GLIS3: variants seen among roughly 807,000 people sequenced by gnomAD.
GLIS3 encodes the protein GLIS family zinc finger 3.
A neutral mutation model predicts 78.6 loss-of-function variants in GLIS3; 53 were observed. The ratio of observed to expected loss-of-function variants is 0.67; its 90% CI spans 0.54 to 0.85. The LOEUF is 0.85. GLIS3 is among the 40% of genes least tolerant of loss of function. GLIS3 has a pLI of 0.00. For synonymous variants in GLIS3, 684 were observed against 509.9 expected (o/e 1.34, Z -4.60); for missense variants, 1,703 against 1,231.1 (o/e 1.38, Z -5.74).
chr9:4,285,286 A>G (rs1299081672), intron 2 of GLIS3, among the ~76,000 whole-genome samples: 1 of 152,176 alleles, frequency 6.6e-6, no homozygotes, highest in Non-Finnish European at 1.5e-5. Context: ...ATTCAACATC[A>G]ATTTCTAATG....
At chr9:4,128,089 A>C (rs553748618) in intron 2 of GLIS3, among the ~76,000 whole-genome samples, 9 of 152,378 alleles carry the variant, frequency 5.9e-5, no homozygotes, top group Non-Finnish European at 1.2e-4. Flanking sequence ...GAGCCAATAC[A>C]AACTAATGTG....
At chr9:3,991,727 G>A (rs1182806366) in intron 4 of GLIS3, among the ~76,000 whole-genome samples, 1 of 97,330 alleles carries the variant, frequency 1.0e-5, no homozygotes, top group Non-Finnish European at 1.8e-5. Flanking sequence ...GTCTCACTCT[G>A]TCGCCCAGGC....
intron 4 of GLIS3, among the ~76,000 whole-genome samples, chr9:4,086,689 G>A (rs896202649): frequency 2.0e-5 from 3 of 152,196 alleles, no homozygotes; most frequent in Admixed American, 2.0e-4. Flanking sequence ...CCATGTAAAT[G>A]TACCACTTGT....
intron 2 of GLIS3, among the ~76,000 whole-genome samples, chr9:4,219,810 G>A (rs56367252): frequency 0.11 from 17,388 of 152,188 alleles, 1,102 homozygotes; most frequent in Middle Eastern, 0.18. Flanking sequence ...AGCAGGGGTG[G>A]AGCCTGTCCA....
intron 2 of GLIS3, among the ~76,000 whole-genome samples, chr9:4,278,291 C>A (rs1827210735): frequency 6.6e-6 from 1 of 152,206 alleles, no homozygotes; most frequent in African/African-American, 2.4e-5. Context: ...ACCCTTTCAG[C>A]CAGTTTTCCA....
chr9:4,205,171 C>G (rs1819756160), intron 2 of GLIS3, among the ~76,000 whole-genome samples: 1 of 75,502 alleles, frequency 1.3e-5, no homozygotes, highest in Non-Finnish European at 2.5e-5. Context: ...GAACGAGACT[C>G]TGTCAAAAAA....
At chr9:4,487,776 C>T in the GLIS3 span, among the ~76,000 whole-genome samples, 1 of 152,006 alleles carries the variant, frequency 6.6e-6, no homozygotes. Flanking sequence ...CAACCTCGAA[C>T]TCCCGGGCTC....
At chr9:4,349,694 G>A (rs181348044), upstream of GLIS3, among the ~76,000 whole-genome samples, 109 of 152,106 alleles carry the variant, frequency 7.2e-4, no homozygotes, top group African/African-American at 2.6e-3. Flanking sequence ...ATCACTCTAA[G>A]CACACAGAAA....
intron 3 of GLIS3, among the ~76,000 whole-genome samples, chr9:4,124,707 G>T (rs1264266113): frequency 6.6e-6 from 1 of 152,178 alleles, no homozygotes; most frequent in Non-Finnish European, 1.5e-5. Context: ...ACAGCACAGA[G>T]ATACAAGAGG....
chr9:4,109,075 AATTTGTT>A (rs1831003144), intron 4 of GLIS3, among the ~76,000 whole-genome samples: 1 of 152,152 alleles, frequency 6.6e-6, no homozygotes, highest in Non-Finnish European at 1.5e-5. Context: ...GAATTGATTT[AATTTGTT>A]CTCCTCTAAA....
chr9:3,968,740 T>C (rs907859206), intron 4 of GLIS3, among the ~76,000 whole-genome samples: 1 of 152,212 alleles, frequency 6.6e-6, no homozygotes, highest in Non-Finnish European at 1.5e-5. Flanking sequence ...GAAGAACTCA[T>C]GTAACCACCA....
At chr9:3,953,763 C>CATTATA (rs377114853) in intron 4 of GLIS3, among the ~76,000 whole-genome samples, 1 of 119,676 alleles carries the variant, frequency 8.4e-6, no homozygotes, top group Non-Finnish European at 1.8e-5. Flanking sequence ...TAGATTTGCT[C>CATTATA]TCTCTCTCTC....
At chr9:4,028,676 C>G (rs146695485) in intron 4 of GLIS3, among the ~76,000 whole-genome samples, 1,560 of 152,118 alleles carry the variant, frequency 0.01, 33 homozygotes, top group African/African-American at 0.036. Context: ...TAACTGAATC[C>G]CAACACTATA....
intron 2 of GLIS3, among the ~76,000 whole-genome samples, chr9:4,315,948 C>G (rs1234143151): frequency 2.0e-5 from 3 of 152,076 alleles, no homozygotes; most frequent in Admixed American, 2.0e-4. Context: ...AAGTTGTTCA[C>G]AAAACTCTGC....
the GLIS3 span, among the ~76,000 whole-genome samples, chr9:4,356,907 G>C: frequency 6.6e-6 from 1 of 152,180 alleles, no homozygotes; most frequent in African/African-American, 2.4e-5. Flanking sequence ...TATACCAGGA[G>C]CTGGAATTGG....
chr9:4,466,449 T>G, the GLIS3 span, among the ~76,000 whole-genome samples: 1 of 152,172 alleles, frequency 6.6e-6, no homozygotes, highest in East Asian at 1.9e-4. Flanking sequence ...ATGAGGCCAG[T>G]ATTACCCTTA....
chr9:4,248,136 C>T (rs749438567), intron 2 of GLIS3, among the ~76,000 whole-genome samples: 2 of 152,146 alleles, frequency 1.3e-5, no homozygotes, highest in Admixed American at 6.5e-5. Flanking sequence ...ATGTGCAGAA[C>T]GTCCAGGCTT....
chr9:4,036,343 C>T (rs1342298206), intron 4 of GLIS3, among the ~76,000 whole-genome samples: 2 of 151,832 alleles, frequency 1.3e-5, no homozygotes, highest in African/African-American at 2.4e-5. Context: ...CTACTTTATA[C>T]TTGTAGTTTT....
the GLIS3 span, among the ~76,000 whole-genome samples, chr9:4,376,963 C>A: frequency 7.4e-6 from 1 of 135,240 alleles, no homozygotes. Context: ...GGCTCTGAGC[C>A]AGACCACCTG....
Sources: gnomAD v4.1 joint callset for allele counts (sites outside exome capture counted in the v4.1 genomes callset) on GRCh38, gnomAD v4.1.1 for gene constraint, MANE v1.5 for transcripts, NCBI Gene and HGNC (gene_info 2026-07-23, HGNC 2026-07-21) for gene names.